Variants in SGCZ observed in about 807,000 individuals in gnomAD.
SGCZ encodes sarcoglycan zeta, also known as zeta-sarcoglycan.
In SGCZ, 40 loss-of-function variants were observed where a neutral mutation model predicts 41.3. The observed-to-expected ratio is 0.97, with a 90% confidence interval of 0.75 to 1.26. The LOEUF (loss-of-function observed/expected upper bound fraction) is 1.26. Ranked by LOEUF, SGCZ falls within the 50% of genes most tolerant of loss-of-function variation. The probability of loss-of-function intolerance (pLI) is 0.00; values close to 1 mark genes in which losing one functional copy is unlikely to be tolerated. For synonymous variants in SGCZ, 206 were observed against 137.5 expected (o/e 1.50, Z -3.49); for missense variants, 552 against 369.8 (o/e 1.49, Z -4.04).
intron 3 of SGCZ, among the ~76,000 whole-genome samples, chr8:14,293,331 C>G (rs1800903605): frequency 6.6e-6 from 1 of 151,950 alleles, no homozygotes; most frequent in Non-Finnish European, 1.5e-5. Flanking sequence ...TGCTTTTCAT[C>G]TGCATATAAA....
At chr8:15,055,923 C>G (rs1191925459) in intron 1 of SGCZ, among the ~76,000 whole-genome samples, 1 of 152,200 alleles carries the variant, frequency 6.6e-6, no homozygotes, top group African/African-American at 2.4e-5. Context: ...AAAACCCTGC[C>G]ATCCTTTATT....
chr8:14,643,360 A>C (rs1175427307), intron 1 of SGCZ, among the ~76,000 whole-genome samples: 1 of 151,672 alleles, frequency 6.6e-6, no homozygotes. Flanking sequence ...ATTTGGATTC[A>C]TGAATATTAT....
At chr8:14,425,725 A>C (rs1799763355) in intron 2 of SGCZ, among the ~76,000 whole-genome samples, 1 of 152,302 alleles carries the variant, frequency 6.6e-6, no homozygotes, top group Middle Eastern at 3.4e-3. Context: ...CAATTTTGCT[A>C]TGTTTCTTAG....
intron 1 of SGCZ, among the ~76,000 whole-genome samples, chr8:14,787,845 T>A (rs1302373422): frequency 4.7e-5 from 7 of 150,374 alleles, no homozygotes; most frequent in Non-Finnish European, 5.9e-5. Context: ...AAACTCCATT[T>A]CAAAAAAAAA....
intron 1 of SGCZ, among the ~76,000 whole-genome samples, chr8:14,759,008 CA>C (rs760673509): frequency 0.043 from 4,785 of 112,396 alleles, 88 homozygotes; most frequent in Non-Finnish European, 0.051. Flanking sequence ...AACTCCATCT[CA>C]AAAAAAAAAA....
intron 2 of SGCZ, among the ~76,000 whole-genome samples, chr8:14,395,023 A>G (rs1798870285): frequency 6.6e-6 from 1 of 152,224 alleles, no homozygotes; most frequent in African/African-American, 2.4e-5. Flanking sequence ...AAACTGATGT[A>G]GTGATAATAT....
At chr8:14,660,853 T>G (rs991357725) in intron 1 of SGCZ, among the ~76,000 whole-genome samples, 2 of 152,152 alleles carry the variant, frequency 1.3e-5, no homozygotes, top group African/African-American at 4.8e-5. Context: ...TTATATTGCT[T>G]TGTTCTAACT....
chr8:14,241,841 A>G (rs2117180768), intron 3 of SGCZ, among the ~76,000 whole-genome samples: 1 of 152,354 alleles, frequency 6.6e-6, no homozygotes, highest in African/African-American at 2.4e-5. Flanking sequence ...ACTGTTAGAT[A>G]AAAATAATGA....
intron 2 of SGCZ, among the ~76,000 whole-genome samples, chr8:14,422,061 T>A (rs552856699): frequency 1.3e-5 from 2 of 152,288 alleles, no homozygotes; most frequent in Non-Finnish European, 2.9e-5. Context: ...CAAAGTTCCT[T>A]GATATCTAAA....
intron 1 of SGCZ, among the ~76,000 whole-genome samples, chr8:14,847,056 A>T (rs1803139604): frequency 6.6e-6 from 1 of 151,642 alleles, no homozygotes; most frequent in Non-Finnish European, 1.5e-5. Flanking sequence ...TGGGTGACAG[A>T]GCAAGACTTC....
intron 1 of SGCZ, among the ~76,000 whole-genome samples, chr8:14,665,474 C>A (rs753701069): frequency 6.6e-6 from 1 of 152,112 alleles, no homozygotes; most frequent in African/African-American, 2.4e-5. Flanking sequence ...AGTAAACATA[C>A]GTGTGCGTGT....
At chr8:14,247,163 T>C (rs1036344623) in intron 3 of SGCZ, among the ~76,000 whole-genome samples, 3 of 152,200 alleles carry the variant, frequency 2.0e-5, no homozygotes, top group Non-Finnish European at 2.9e-5. Flanking sequence ...GATACTTTTA[T>C]TGAGAATTTC....
intron 1 of SGCZ, among the ~76,000 whole-genome samples, chr8:15,199,442 G>A (rs1437501347): frequency 6.6e-6 from 1 of 152,074 alleles, no homozygotes; most frequent in African/African-American, 2.4e-5. Context: ...ATAAAGTTGA[G>A]CGATACCATT....
intron 1 of SGCZ, among the ~76,000 whole-genome samples, chr8:14,994,124 T>C (rs1018217458): frequency 6.6e-6 from 1 of 152,226 alleles, no homozygotes. Flanking sequence ...TTCATTCATT[T>C]CTGTCTTTAT....
At chr8:15,009,503 A>C (rs1802752818) in intron 1 of SGCZ, among the ~76,000 whole-genome samples, 1 of 152,130 alleles carries the variant, frequency 6.6e-6, no homozygotes, top group South Asian at 2.1e-4. Context: ...AGACAGAGCC[A>C]GTTCAGCTTT....
At chr8:14,722,663 G>A (rs900673414) in intron 1 of SGCZ, among the ~76,000 whole-genome samples, 1 of 152,040 alleles carries the variant, frequency 6.6e-6, no homozygotes, top group South Asian at 2.1e-4. Flanking sequence ...ATTTTACACA[G>A]GTTGACTAGG....
At chr8:14,305,681 G>A (rs1390615653) in intron 3 of SGCZ, among the ~76,000 whole-genome samples, 1 of 152,158 alleles carries the variant, frequency 6.6e-6, no homozygotes, top group African/African-American at 2.4e-5. Context: ...AGTCTTTGTG[G>A]TAGCTTGCAA....
intron 7 of SGCZ, among the ~76,000 whole-genome samples, chr8:14,094,042 C>T (rs1395613119): frequency 2.6e-5 from 4 of 152,030 alleles, no homozygotes; most frequent in Admixed American, 1.3e-4. Flanking sequence ...CATCTCTCCC[C>T]TCTAAGTTAC....
chr8:14,434,319 G>C (rs948109100), intron 2 of SGCZ, among the ~76,000 whole-genome samples: 5 of 152,102 alleles, frequency 3.3e-5, no homozygotes, highest in African/African-American at 9.7e-5. Flanking sequence ...CTGATCCATT[G>C]GTCTATGTGC....
Sources: allele counts gnomAD v4.1 joint callset (sites outside exome capture counted in the v4.1 genomes callset), GRCh38; gene constraint gnomAD v4.1.1; transcripts MANE v1.5; gene names NCBI Gene and HGNC (gene_info 2026-07-23, HGNC 2026-07-21).